BCR: variants seen among roughly 807,000 people sequenced by gnomAD.
BCR encodes breakpoint cluster region protein.
A neutral mutation model predicts 138.6 loss-of-function variants in BCR; 58 were observed. The observed-to-expected ratio is 0.42, with a 90% CI of 0.34 to 0.52. The LOEUF is 0.52. Ranked by LOEUF, BCR falls within the 20% of genes least tolerant of loss-of-function variation. The pLI is 0.06. For synonymous variants in BCR, 786 were observed against 730.1 expected (o/e 1.08, Z -1.23); for missense variants, 1,599 against 1,727.2 (o/e 0.93, Z 1.32).
At chr22:23,228,796 T>C (rs986341063) in intron 1 of BCR, among the ~76,000 whole-genome samples, 5 of 152,174 alleles carry the variant, frequency 3.3e-5, no homozygotes, top group African/African-American at 1.2e-4. Flanking sequence ...TTTCTTTAAC[T>C]TTGGTTTTCT....
chr22:23,269,153 A>G (rs2073480096), intron 5 of BCR, among the ~76,000 whole-genome samples: 1 of 152,262 alleles, frequency 6.6e-6, no homozygotes, highest in African/African-American at 2.4e-5. Flanking sequence ...AACAGAGACC[A>G]TGAATGGGCC....
chr22:23,314,633 C>G lies in BCR; in HGVS notation c.3645C>G (p.Ser1215=), dbSNP rs371741091. Residue 1215 remains serine (S), a synonymous_variant, in exon 22 of 23, where the codon TCC becomes TCG. Coordinates refer to ENST00000305877, the MANE Select transcript of BCR (RefSeq NM_004327.4). ...TVFGPTLLRP[S]EKESKLPANP... is the part of the protein sequence containing the mutation. Reference sequence around the variant, plus strand: ...TTGGCCCCACGCTGCTCCGGCCCTCCGAGAAGGAGAGCAAGCTCCCTGCCA... The same window carrying G: ...TTGGCCCCACGCTGCTCCGGCCCTCGGAGAAGGAGAGCAAGCTCCCTGCCA... 4 of 1,611,868 alleles carry G rather than the reference C, an allele frequency of 2.5e-6. No homozygotes were observed. The highest frequency in any genetic ancestry group is 3.4e-6 in the Non-Finnish European group (4 of 1,179,852).
chr22:23,208,505 A>AT (rs1287255678), intron 1 of BCR, among the ~76,000 whole-genome samples: 2 of 152,094 alleles, frequency 1.3e-5, no homozygotes, highest in African/African-American at 4.8e-5. Flanking sequence ...GAGTATGTTC[A>AT]TGTTGTTCAG....
intron 10 of BCR, among the ~76,000 whole-genome samples, chr22:23,286,507 CACAGAG>C (rs2073715015): frequency 6.6e-6 from 1 of 152,212 alleles, no homozygotes; most frequent in Non-Finnish European, 1.5e-5. Context: ...GGTGTCCCCA[CACAGAG>C]TGGGAGCCAG....
At chr22:23,251,477 G>T (rs1419550025) in intron 1 of BCR, among the ~76,000 whole-genome samples, 3 of 152,228 alleles carry the variant, frequency 2.0e-5, no homozygotes, top group Non-Finnish European at 4.4e-5. Context: ...CTGGGAGAGG[G>T]AGAGGCAGAG....
intron 1 of BCR, among the ~76,000 whole-genome samples, chr22:23,203,784 G>A (rs1236941454): frequency 6.6e-6 from 1 of 152,194 alleles, no homozygotes; most frequent in Non-Finnish European, 1.5e-5. Context: ...AAAGCATTTT[G>A]GCTTCTCTTC....
chr22:23,279,687 T>G (rs978278531), intron 8 of BCR, among the ~76,000 whole-genome samples: 4 of 152,238 alleles, frequency 2.6e-5, no homozygotes, highest in African/African-American at 9.6e-5. Context: ...CAACTTTTCC[T>G]TGTCTCACCA....
chr22:23,204,260 T>G lies in BCR; in HGVS notation c.1279+22021T>G, dbSNP rs78220028. 9.6e-3 allele frequency among the ~76,000 whole-genome samples: 1,462 copies of G among 152,296 alleles called. 17 individuals are homozygous for G. The highest frequency in any genetic ancestry group is 0.033 in the African/African-American group (1,378 of 41,546). ...CCCACGCTTGCTCCTCCTCTTGCTCTGCGTTGCCCATCTTAGCTGTGCCCT... is the reference window on the plus strand; with the variant it reads ...CCCACGCTTGCTCCTCCTCTTGCTCGGCGTTGCCCATCTTAGCTGTGCCCT... On this transcript the variant is annotated intron_variant, in intron 1 of 22. Transcript: ENST00000305877.
chr22:23,258,420 C>G (rs1444639613), intron 2 of BCR, among the ~76,000 whole-genome samples: 1 of 152,186 alleles, frequency 6.6e-6, no homozygotes, highest in African/African-American at 2.4e-5. Flanking sequence ...AGGCCCTGGG[C>G]ACTTCGTGTT....
At chr22:23,276,300 G>T (rs1448056634) in intron 8 of BCR, among the ~76,000 whole-genome samples, 1 of 152,072 alleles carries the variant, frequency 6.6e-6, no homozygotes, top group Non-Finnish European at 1.5e-5. Flanking sequence ...TCAGGAGGCT[G>T]AGGCAGGAGA....
chr22:23,272,388 G>A (rs183291587), intron 6 of BCR, among the ~76,000 whole-genome samples: 294 of 152,324 alleles, frequency 1.9e-3, no homozygotes, highest in Admixed American at 2.2e-3. Context: ...CCTTATGCTG[G>A]TTGTGGGAGT....
At chr22:23,302,884 A>G (rs1428940969) in intron 16 of BCR, 3 of 152,174 alleles carry the variant, frequency 2.0e-5, no homozygotes, top group East Asian at 3.9e-4. Flanking sequence ...CATCACTCCC[A>G]CTGACACAGG....
At chr22:23,225,244 C>T (rs1245761144) in intron 1 of BCR, among the ~76,000 whole-genome samples, 1 of 151,650 alleles carries the variant, frequency 6.6e-6, no homozygotes, top group African/African-American at 2.4e-5. Context: ...ACAGAGGACA[C>T]CTGACCCTAA....
rs894056252 is a variant in BCR at position 23,231,748 on chromosome 22, C to T, written c.1280-22051C>T. On this transcript the variant is annotated intron_variant, in intron 1 of 22. Transcript: ENST00000305877. ...GATACTTGGGCACCATCTGGCCAGG[C>T]TCATGGAGCAAATGGGCCTGTGAGT... Among the ~76,000 whole-genome samples the T allele has an allele frequency of 3.3e-5, 5 of 152,196 alleles. No homozygotes were observed. In the South Asian group the frequency reaches 1.0e-3, roughly 31 times the overall value.
At chr22:23,288,324 C>G (rs1242899253) in intron 12 of BCR, 152 bp downstream of exon 12, 3 of 812,814 alleles carry the variant, frequency 3.7e-6, no homozygotes, top group Non-Finnish European at 6.1e-6. Flanking sequence ...AAGTTGGCGA[C>G]AGCCATCCCG....
At chr22:23,224,838 C>T (rs1395413420) in intron 1 of BCR, among the ~76,000 whole-genome samples, 2 of 152,104 alleles carry the variant, frequency 1.3e-5, no homozygotes, top group African/African-American at 2.4e-5. Flanking sequence ...GCCGAGATCA[C>T]GCCACTGCAC....
intron 1 of BCR, among the ~76,000 whole-genome samples, chr22:23,198,776 A>C (rs539308792): frequency 6.6e-6 from 1 of 152,166 alleles, no homozygotes; most frequent in Admixed American, 6.5e-5. Context: ...GAGCAGTTGC[A>C]TGGGCCCGCC....
chr22:23,226,327 A>T (rs2330348), intron 1 of BCR, among the ~76,000 whole-genome samples: 2,278 of 46,132 alleles, frequency 0.049, 47 homozygotes, highest in African/African-American at 0.15. Context: ...AGAGAGAGAG[A>T]GTGTGTGTGT....
intron 1 of BCR, among the ~76,000 whole-genome samples, chr22:23,223,298 A>G (rs1168728856): frequency 6.6e-6 from 1 of 152,028 alleles, no homozygotes; most frequent in Non-Finnish European, 1.5e-5. Context: ...ATGTGTGAGT[A>G]TTTGTATGTG....
Sources: allele counts gnomAD v4.1 joint callset (sites outside exome capture counted in the v4.1 genomes callset), GRCh38; gene constraint gnomAD v4.1.1; transcripts MANE v1.5; gene names NCBI Gene and HGNC (gene_info 2026-07-23, HGNC 2026-07-21).